The following NXPH2 variants were observed in gnomAD, a reference collection of about 807,000 sequenced individuals.
The protein encoded by NXPH2 is neurexophilin-2.
Under a neutral mutation model 19.8 loss-of-function variants are expected in NXPH2, and 5 were observed. That is an observed-to-expected ratio of 0.25 (90% CI 0.13 to 0.53). The LOEUF (loss-of-function observed/expected upper bound fraction) is 0.53, where lower values mean the gene tolerates loss of function less well. Ranked by LOEUF, NXPH2 falls within the 20% of genes least tolerant of loss-of-function variation. NXPH2 has a pLI of 0.96. For synonymous variants in NXPH2, 154 were observed against 127.4 expected (o/e 1.21, Z -1.41); for missense variants, 289 against 322.8 (o/e 0.90, Z 0.80).
At chr2:138,682,881 G>A (rs910042522) in intron 1 of NXPH2, among the ~76,000 whole-genome samples, 5 of 152,120 alleles carry the variant, frequency 3.3e-5, no homozygotes, top group Non-Finnish European at 7.4e-5. Context: ...ATGCATGCAC[G>A]CATGCCTACA....
chr2:138,737,886 T>C (rs6716116), intron 1 of NXPH2, among the ~76,000 whole-genome samples: 25,800 of 152,126 alleles, frequency 0.17, 2,274 homozygotes, highest in East Asian at 0.24. Context: ...AGTTGACTCA[T>C]TGCCTTGTTA....
chr2:138,747,119 G>C (rs1446801581), intron 1 of NXPH2, among the ~76,000 whole-genome samples: 3 of 152,054 alleles, frequency 2.0e-5, no homozygotes, highest in African/African-American at 7.2e-5. Flanking sequence ...GGACGTTTAG[G>C]TCATTCCTAA....
In NXPH2 at chr2:138,723,948, T is replaced by TTTTA. The variant is rs35272519; in HGVS notation, c.52-52284_52-52283insTAAA. Among the ~76,000 whole-genome samples, 395 of 151,206 alleles carry TTTTA rather than the reference T, an allele frequency of 2.6e-3. 2 individuals carry two copies. The highest frequency in any genetic ancestry group is 9.0e-3 in the African/African-American group (370 of 41,250). On this transcript the variant is annotated intron_variant, in intron 1 of 1. Coordinates refer to ENST00000272641, the MANE Select transcript of NXPH2 (RefSeq NM_007226.3). ...GGTCATAATTTCTTTTTTTTTTTTTTAACTTTTAAGTTCAGAGGTACATGT... is the reference window on the plus strand; with the variant it reads ...GGTCATAATTTCTTTTTTTTTTTTTTTTTAAACTTTTAAGTTCAGAGGTACATGT...
At chr2:138,748,578 A>G (rs552575262) in intron 1 of NXPH2, among the ~76,000 whole-genome samples, 1 of 152,268 alleles carries the variant, frequency 6.6e-6, no homozygotes, top group South Asian at 2.1e-4. Context: ...TGCATCTGAA[A>G]TTCTCTCTCT....
chr2:138,743,280 T>C (rs1681673420), intron 1 of NXPH2, among the ~76,000 whole-genome samples: 1 of 152,164 alleles, frequency 6.6e-6, no homozygotes, highest in South Asian at 2.1e-4. Flanking sequence ...CTGAAATTAA[T>C]GTCCATTAAC....
intron 1 of NXPH2, among the ~76,000 whole-genome samples, chr2:138,683,803 C>G (rs574151449): frequency 6.6e-6 from 1 of 152,130 alleles, no homozygotes; most frequent in African/African-American, 2.4e-5. Flanking sequence ...CATTCTTTCA[C>G]CAAACATGAC....
chr2:138,750,458 A>G lies in NXPH2; in HGVS notation c.51+29733T>C, dbSNP rs190581281. Among the ~76,000 whole-genome samples the G allele has an allele frequency of 9.3e-4, 142 of 152,324 alleles. 1 individual carries two copies. Among genetic ancestry groups the G allele is most frequent in the Non-Finnish European group, 1.7e-3 (116 of 68,028 alleles). ...AAACTCATGACATTTTAAGACAAGT[A>G]TTTATCTAGTAAATAGCCAAATTGT... On this transcript the variant is annotated intron_variant, in intron 1 of 1. Transcript: ENST00000272641.
chr2:138,678,440 T>C (rs944607905), intron 1 of NXPH2, among the ~76,000 whole-genome samples: 9 of 152,158 alleles, frequency 5.9e-5, no homozygotes, highest in African/African-American at 2.2e-4. Flanking sequence ...GTTGTTATTA[T>C]AACCTTAGTT....
chr2:138,748,783 A>G (rs965513131), intron 1 of NXPH2, among the ~76,000 whole-genome samples: 2 of 152,220 alleles, frequency 1.3e-5, no homozygotes, highest in Non-Finnish European at 2.9e-5. Flanking sequence ...AAAGCTAATA[A>G]TAAGATGAAT....
intron 1 of NXPH2, among the ~76,000 whole-genome samples, chr2:138,744,081 CTACTCTCT>C (rs892106439): frequency 5.4e-4 from 81 of 151,022 alleles, no homozygotes; most frequent in African/African-American, 1.8e-3. Flanking sequence ...TTTAAATATC[CTACTCTCT>C]TACTCGCTTT....
At chr2:138,711,872 A>G (rs1013452492) in intron 1 of NXPH2, among the ~76,000 whole-genome samples, 1 of 152,322 alleles carries the variant, frequency 6.6e-6, no homozygotes. Context: ...CACTCTAGCT[A>G]GAAGTAAAAT....
intron 1 of NXPH2, among the ~76,000 whole-genome samples, chr2:138,775,708 A>G (rs1314683491): frequency 6.6e-6 from 1 of 152,156 alleles, no homozygotes; most frequent in East Asian, 1.9e-4. Flanking sequence ...TACAAAGTCA[A>G]TAATATAGAA....
chr2:138,712,505 G>GC (rs1473163876), intron 1 of NXPH2, among the ~76,000 whole-genome samples: 2 of 152,026 alleles, frequency 1.3e-5, no homozygotes, highest in Non-Finnish European at 1.5e-5. Context: ...TCACAACATT[G>GC]CCCCCCACCC....
At chr2:138,680,457 AG>A (rs1307762952) in intron 1 of NXPH2, among the ~76,000 whole-genome samples, 1 of 152,220 alleles carries the variant, frequency 6.6e-6, no homozygotes, top group Non-Finnish European at 1.5e-5. Context: ...ACATTTCAGG[AG>A]CCCACATTTG....
chr2:138,690,369 A>T (rs1680728901), intron 1 of NXPH2, among the ~76,000 whole-genome samples: 1 of 152,146 alleles, frequency 6.6e-6, no homozygotes, highest in Non-Finnish European at 1.5e-5. Context: ...CCTGCTTCAC[A>T]CGCAGCATCC....
rs72973265 is a variant in NXPH2 at position 138,744,302 on chromosome 2, T to C, written c.51+35889A>G. Among the ~76,000 whole-genome samples the C allele has an allele frequency of 3.0e-3, 457 of 152,290 alleles. 2 individuals carry two copies. Among genetic ancestry groups the C allele is most frequent in the African/African-American group, 6.7e-3 (279 of 41,554 alleles). ...GATAAATAGTCTGTGAAACTGATGA[T>C]TGGCTTCATAATGGATATGTTTTCC... On this transcript the variant is annotated intron_variant, in intron 1 of 1. Coordinates refer to ENST00000272641, the MANE Select transcript of NXPH2 (RefSeq NM_007226.3).
chr2:138,686,763 CAT>C (rs1454278552), intron 1 of NXPH2, among the ~76,000 whole-genome samples: 1 of 152,092 alleles, frequency 6.6e-6, no homozygotes, highest in Non-Finnish European at 1.5e-5. Flanking sequence ...CGTGTGTTCT[CAT>C]TGTTCAATTC....
intron 1 of NXPH2, among the ~76,000 whole-genome samples, chr2:138,673,900 G>A (rs901462621): frequency 6.6e-6 from 1 of 151,926 alleles, no homozygotes; most frequent in Non-Finnish European, 1.5e-5. Flanking sequence ...ATTTCTATGA[G>A]ATCAAGTTTT....
At chr2:138,683,297 A>G (rs1680604302) in intron 1 of NXPH2, among the ~76,000 whole-genome samples, 3 of 152,214 alleles carry the variant, frequency 2.0e-5, no homozygotes, top group African/African-American at 7.2e-5. Flanking sequence ...TGATGGGAAC[A>G]CATATATACT....
Sources: gnomAD v4.1 joint callset for allele counts (sites outside exome capture counted in the v4.1 genomes callset) on GRCh38, gnomAD v4.1.1 for gene constraint, MANE v1.5 for transcripts, NCBI Gene and HGNC (gene_info 2026-07-23, HGNC 2026-07-21) for gene names.